The following MMP26 variants were observed in gnomAD, a reference collection of about 807,000 sequenced individuals.
MMP26 encodes matrix metalloproteinase-26.
A neutral mutation model predicts 31.0 loss-of-function variants in MMP26; 33 were observed. The observed-to-expected ratio is 1.06, with a 90% CI of 0.81 to 1.42. The LOEUF is 1.42. Ranked by LOEUF, MMP26 falls within the 40% of genes most tolerant of loss-of-function variation. MMP26 has a pLI of 0.00. For missense variants in MMP26, 347 were observed against 316.1 expected (o/e 1.10, Z -0.74); for synonymous variants, 122 against 114.9 (o/e 1.06, Z -0.40).
At chr11:4,877,307 T>G (rs1189115997) in intron 2 of MMP26, 1 of 152,284 alleles carries the variant, frequency 6.6e-6, no homozygotes, top group Non-Finnish European at 1.5e-5. Context: ...TCTGCAGTGC[T>G]GCTTTTCTAT....
intron 2 of MMP26, among the ~76,000 whole-genome samples, chr11:4,864,779 T>C (rs1850212264): frequency 6.6e-6 from 1 of 152,094 alleles, no homozygotes; most frequent in Admixed American, 6.6e-5. Context: ...CCTTGACTCC[T>C]CCATGTCTAC....
intron 2 of MMP26, among the ~76,000 whole-genome samples, chr11:4,891,920 T>C (rs1850629647): frequency 6.6e-6 from 1 of 152,150 alleles, no homozygotes; most frequent in Non-Finnish European, 1.5e-5. Flanking sequence ...AAATAGTTTT[T>C]CCACAAATCC....
chr11:4,822,347 T>C (rs1166944348), intron 2 of MMP26: 5 of 1,493,374 alleles, frequency 3.3e-6, no homozygotes, highest in Non-Finnish European at 4.5e-6. Flanking sequence ...ATCAAGGTCT[T>C]AATTCAGAAG....
chr11:4,822,049 G>A (rs1180030698), intron 2 of MMP26: 3 of 1,613,768 alleles, frequency 1.9e-6, no homozygotes. Context: ...GTCCACTACA[G>A]GGTTTGACTG....
chr11:4,905,370 G>A (rs1168037297), intron 2 of MMP26, among the ~76,000 whole-genome samples: 1 of 152,064 alleles, frequency 6.6e-6, no homozygotes, highest in Non-Finnish European at 1.5e-5. Context: ...TTAGTACCTA[G>A]CAAAAGTAAA....
chr11:4,828,858 A>T (rs1010849132), intron 2 of MMP26, among the ~76,000 whole-genome samples: 9 of 152,278 alleles, frequency 5.9e-5, no homozygotes, highest in African/African-American at 2.2e-4. Context: ...GTCCAGTAAT[A>T]ATAAAGAGGA....
At chr11:4,917,122 T>C (rs2570580) in intron 2 of MMP26, among the ~76,000 whole-genome samples, 133,100 of 152,222 alleles carry the variant, frequency 0.87, 58,341 homozygotes, top group East Asian at 0.93. Context: ...ATTTAGAACA[T>C]GCCCCAGTAC....
chr11:4,728,964 A>G (rs1214776076), intron 1 of MMP26, among the ~76,000 whole-genome samples: 1 of 151,712 alleles, frequency 6.6e-6, no homozygotes, highest in African/African-American at 2.4e-5. Context: ...TAATATTTAT[A>G]TAATTATATA....
At chr11:4,827,930 T>C (rs1439315423) in intron 2 of MMP26, among the ~76,000 whole-genome samples, 1 of 151,976 alleles carries the variant, frequency 6.6e-6, no homozygotes, top group East Asian at 1.9e-4. Context: ...CTTTTCTGGA[T>C]CTGGAGACCA....
intron 2 of MMP26, among the ~76,000 whole-genome samples, chr11:4,960,614 T>A (rs1846508076): frequency 1.3e-5 from 2 of 151,814 alleles, no homozygotes; most frequent in African/African-American, 4.8e-5. Context: ...CTGATCATAA[T>A]CCTGAAAGAA....
intron 2 of MMP26, among the ~76,000 whole-genome samples, chr11:4,861,442 T>C (rs529741288): frequency 2.0e-5 from 3 of 151,462 alleles, no homozygotes; most frequent in Admixed American, 6.6e-5. Context: ...TTTTTGCCTT[T>C]TTAAAATCTA....
intron 2 of MMP26, among the ~76,000 whole-genome samples, chr11:4,843,104 G>C (rs1849818638): frequency 6.6e-6 from 1 of 152,204 alleles, no homozygotes; most frequent in Admixed American, 6.5e-5. Context: ...GGCTATTCAG[G>C]ATACAGCCCC....
chr11:4,831,686 C>A (rs944406607), intron 2 of MMP26, among the ~76,000 whole-genome samples: 13 of 152,108 alleles, frequency 8.5e-5, no homozygotes, highest in African/African-American at 3.1e-4. Flanking sequence ...AGATTTAGGT[C>A]TCCCTTAAGT....
At chr11:4,940,411 A>C (rs1000508179) in intron 2 of MMP26, among the ~76,000 whole-genome samples, 1 of 152,182 alleles carries the variant, frequency 6.6e-6, no homozygotes, top group Non-Finnish European at 1.5e-5. Context: ...TTTAACATTT[A>C]GTCCATCCTT....
chr11:4,882,985 T>G (rs1321922802), intron 2 of MMP26: 7 of 837,526 alleles, frequency 8.4e-6, no homozygotes, highest in Non-Finnish European at 9.4e-6. Context: ...TCCAATTGAA[T>G]TTTAGGAGTG....
intron 2 of MMP26, chr11:4,923,956 G>T (rs1364147601): frequency 1.2e-6 from 2 of 1,614,032 alleles, no homozygotes; most frequent in East Asian, 2.2e-5. Flanking sequence ...GTGGGTTGCA[G>T]ACGGCCACGT....
At chr11:4,724,637 G>A (rs1463854373) in intron 1 of MMP26, among the ~76,000 whole-genome samples, 1 of 152,162 alleles carries the variant, frequency 6.6e-6, no homozygotes, top group Non-Finnish European at 1.5e-5. Context: ...GGTTGCTATG[G>A]TTCCTACACA....
chr11:4,766,305 G>A (rs1357372372), intron 1 of MMP26, among the ~76,000 whole-genome samples: 1 of 152,156 alleles, frequency 6.6e-6, no homozygotes, highest in Non-Finnish European at 1.5e-5. Context: ...GCGAAGTGGT[G>A]GAAATGATTG....
intron 1 of MMP26, among the ~76,000 whole-genome samples, chr11:4,713,400 C>A (rs953426437): frequency 1.3e-5 from 2 of 152,156 alleles, no homozygotes; most frequent in African/African-American, 2.4e-5. Flanking sequence ...TGTTATTAGT[C>A]ACCTTCTGTT....
Sources: gnomAD v4.1 joint callset for allele counts (sites outside exome capture counted in the v4.1 genomes callset) on GRCh38, gnomAD v4.1.1 for gene constraint, MANE v1.5 for transcripts, NCBI Gene and HGNC (gene_info 2026-07-23, HGNC 2026-07-21) for gene names.